Variants in TMEM151B observed in about 807,000 individuals in gnomAD.
The protein encoded by TMEM151B is transmembrane protein 151B, also known as transmembrane protein 193.
In TMEM151B, 18 loss-of-function variants were observed where a neutral mutation model predicts 33.0. The ratio of observed to expected loss-of-function variants is 0.55; its 90% confidence interval spans 0.38 to 0.81. TMEM151B has a LOEUF of 0.81. Ranked by LOEUF, TMEM151B falls within the 30% of genes least tolerant of loss-of-function variation. TMEM151B has a pLI of 0.00. For synonymous variants in TMEM151B, 354 were observed against 373.6 expected, an observed-to-expected ratio of 0.95 and a Z score of 0.61; for missense variants, 672 against 843.4, an observed-to-expected ratio of 0.80 and a Z score of 2.52.
chr6:44,275,471 C>G lies in TMEM151B; in HGVS notation c.645C>G (p.Arg215=). Residue 215 remains arginine, a synonymous_variant, in exon 3 of 3, where the codon CGC becomes CGG. Coordinates refer to ENST00000451188, the MANE Select transcript of TMEM151B (RefSeq NM_001137560.2). ...AEFDYARCGV[R]DVSKTLVGLE... ...TCGACTACGCGCGCTGCGGCGTTCGCGACGTGTCCAAGACGCTGGTGGGGC... is the reference window on the plus strand; with the variant it reads ...TCGACTACGCGCGCTGCGGCGTTCGGGACGTGTCCAAGACGCTGGTGGGGC... 6.5e-7 allele frequency: 1 copy of G among 1,546,698 alleles called. No homozygotes were observed. The highest frequency in any genetic ancestry group is 1.4e-5 in the African/African-American group (1 of 73,022).
chr6:44,273,339 C>T lies in TMEM151B; in HGVS notation c.409C>T (p.Arg137Cys), dbSNP rs377549357. 12 of 1,551,660 alleles carry T rather than the reference C, an allele frequency of 7.7e-6. No homozygotes were observed. The highest frequency in any genetic ancestry group is 1.0e-5 in the Non-Finnish European group (12 of 1,147,014). Reference sequence around the variant, plus strand: ...GGTGGAGTGTTGGCACTGCCAAGCCCGCCATGAGCTGCAGCACCGTGTTGA... The same window carrying T: ...GGTGGAGTGTTGGCACTGCCAAGCCTGCCATGAGCTGCAGCACCGTGTTGA... ...YLVECWHCQA[R>C]HELQHRVDVS... The change falls in exon 2 of 3, where the codon CGC (arginine) becomes TGC (cysteine). Residue 137 changes from arginine to cysteine, a missense_variant. By Grantham distance (180) the Arg-to-Cys change is radical. Coordinates refer to ENST00000451188, the MANE Select transcript of TMEM151B (RefSeq NM_001137560.2).
chr6:44,272,907 A>T (rs897333793), intron 1 of TMEM151B, among the ~76,000 whole-genome samples, 159 bp from the exon 2 acceptor site: 1 of 151,354 alleles, frequency 6.6e-6, no homozygotes, highest in African/African-American at 2.4e-5. Flanking sequence ...CCTGGCTCCC[A>T]TCTTGGTCTC....
intron 1 of TMEM151B, among the ~76,000 whole-genome samples, chr6:44,271,402 C>T (rs1244289702): frequency 6.9e-6 from 1 of 145,668 alleles, no homozygotes; most frequent in African/African-American, 2.6e-5. Context: ...TCACGAGGCT[C>T]CTGCTGCTTC....
chr6:44,274,342 A>G (rs949025672), intron 2 of TMEM151B, among the ~76,000 whole-genome samples: 2 of 152,206 alleles, frequency 1.3e-5, no homozygotes, highest in Admixed American at 6.5e-5. Flanking sequence ...ACTTGTCCAA[A>G]GTCTGCTGCT....
intron 2 of TMEM151B, among the ~76,000 whole-genome samples, chr6:44,274,664 G>C (rs569816541): frequency 1.8e-4 from 27 of 152,174 alleles, no homozygotes; most frequent in Non-Finnish European, 3.5e-4. Context: ...GGAACCCATT[G>C]GGAAACACAA....
Position 44,273,489 on chromosome 6 carries a change from G to A in TMEM151B, c.559G>A (p.Ala187Thr), listed in dbSNP as rs1258927184. ...GGTCACCAGATACCGCAATGGAGAC[G>A]CCTATACCACCACCCAGGTGAGGAG... ...RQVTRYRNGD[A>T]YTTTQVYHER... Residue 187 changes from alanine to threonine, a missense_variant, in exon 2 of 3, where the codon GCC becomes ACC. Physicochemically the swap from Ala to Thr is moderately conservative, Grantham distance 58 (BLOSUM62 0). Transcript: ENST00000451188. 4.5e-6 allele frequency: 7 copies of A among 1,544,294 alleles called. No individual in the cohort carries two copies. The highest frequency in any genetic ancestry group is 3.5e-6 in the Non-Finnish European group (4 of 1,141,764).
In TMEM151B at chr6:44,273,098, C is replaced by T. The variant is rs1186116311; in HGVS notation, c.168C>T (p.Ser56=). The change falls in exon 2 of 3, where the codon TCC becomes TCT. Residue 56 remains serine (S), a synonymous_variant. Transcript: ENST00000451188. ...CCATCCAGCCCTCTTTCACCAAGTC[C>T]CTCTGCCGTGAGTCCCACTGGAAGT... is the stretch of plus-strand genomic sequence containing the variant. The part of the protein sequence containing the change: ...QRPIQPSFTK[S]LCRESHWKCL... 1.3e-6 allele frequency: 2 copies of T among 1,508,308 alleles called. No homozygotes were observed. Among genetic ancestry groups the T allele is most frequent in the Non-Finnish European group, 8.9e-7 (1 of 1,122,032 alleles). 93.4% of individuals were successfully genotyped at this position (1,508,308 alleles called of 1,614,324 possible). A position where few individuals can be genotyped will look rare whatever the true frequency, so the allele number is the denominator to read the frequency against.
Position 44,275,773 on chromosome 6 carries a change from T to C in TMEM151B, c.947T>C (p.Val316Ala), listed in dbSNP as rs2153338279. The change falls in exon 3 of 3, where the codon GTG becomes GCG. Residue 316 changes from valine (V) to alanine (A), a missense_variant. Val to Ala is a moderately conservative substitution (Grantham distance 64). Transcript: ENST00000451188. ...CTCACGCTGTCGTGGCCGCTGCGAG[T>C]GCTGGCCGAGTACCGCACGGCCTAC... Reference protein sequence around the residue: ...ALLTLSWPLRVLAEYRTAYAH... With the variant: ...ALLTLSWPLRALAEYRTAYAH... The C allele has an allele frequency of 6.5e-7, 1 of 1,543,584 alleles. No homozygotes were observed. Among genetic ancestry groups the C allele is most frequent in the Middle Eastern group, 1.7e-4 (1 of 5,980 alleles).
chr6:44,275,268 G>C, intron 2 of TMEM151B, 135 bp from the exon 3 acceptor site: 4 of 1,417,080 alleles, frequency 2.8e-6, no homozygotes, highest in Non-Finnish European at 2.8e-6. Flanking sequence ...AGCTCCAGCC[G>C]GCACCTAAAC....
At position 44,275,523 on chromosome 6, in the gene TMEM151B, C is replaced by T; in HGVS notation, c.697C>T (p.Arg233Cys). ...GGAGGGCGCGCCGGCCACGCGGCTG[C>T]GCTTCACCAAGTGCTTCAGTTTCGC... ...GLEGAPATRL[R>C]FTKCFSFASV... Residue 233 changes from arginine to cysteine, a missense_variant, in exon 3 of 3, where the codon CGC (arginine) becomes TGC (cysteine). Transcript: ENST00000451188. 6.5e-7 allele frequency: 1 copy of T among 1,550,132 alleles called. No homozygotes were observed. The highest frequency in any genetic ancestry group is 8.7e-7 in the Non-Finnish European group (1 of 1,146,526).
At position 44,276,288 on chromosome 6, in the gene TMEM151B, T is replaced by C; in HGVS notation, c.1462T>C (p.Trp488Arg). The change falls in exon 3 of 3, where the codon TGG becomes CGG. Residue 488 changes from tryptophan (W) to arginine (R), a missense_variant. Trp to Arg is a moderately radical substitution (Grantham distance 101). Coordinates refer to ENST00000451188, the MANE Select transcript of TMEM151B (RefSeq NM_001137560.2). Reference sequence around the variant, plus strand: ...CTACGGCTCCCGGCGCAGCTGCCTGTGGCGCAGCCGCAGCGGGAGCGTCAA... The same window carrying C: ...CTACGGCTCCCGGCGCAGCTGCCTGCGGCGCAGCCGCAGCGGGAGCGTCAA... The part of the protein sequence containing the change: ...RLYGSRRSCL[W>R]RSRSGSVNEA... The C allele has an allele frequency of 7.1e-7, 1 of 1,404,312 alleles. No homozygotes were observed. Among genetic ancestry groups the C allele is most frequent in the Non-Finnish European group, 9.3e-7 (1 of 1,078,476 alleles). 87.0% of individuals were successfully genotyped at this position (1,404,312 alleles called of 1,614,324 possible). A position where few individuals can be genotyped will look rare whatever the true frequency, so the allele number is the denominator to read the frequency against.
chr6:44,272,581 G>A (rs1194917800), intron 1 of TMEM151B, among the ~76,000 whole-genome samples: 1 of 152,194 alleles, frequency 6.6e-6, no homozygotes, highest in East Asian at 1.9e-4. Context: ...AGTGATGTCA[G>A]TGGGTCCCTC....
Position 44,270,703 on chromosome 6 carries a change from C to T in TMEM151B, c.-40C>T, listed in dbSNP as rs1178769590. 2 of 772,170 alleles carry T rather than the reference C, an allele frequency of 2.6e-6. No homozygotes were observed. Among genetic ancestry groups the T allele is most frequent in the Non-Finnish European group, 3.3e-6 (2 of 601,016 alleles). 47.8% of individuals were successfully genotyped at this position (772,170 alleles called of 1,614,324 possible). On this transcript the variant is annotated 5_prime_UTR_variant, in exon 1 of 3. Transcript: ENST00000451188. The stretch of plus-strand genomic sequence containing the variant: ...CAGGATGCCCCCGGCCCCTGGCAGC[C>T]CCCCGGGAGGTCCTGAGCTCGACGC...
intron 1 of TMEM151B, among the ~76,000 whole-genome samples, chr6:44,272,496 C>T (rs985122296): frequency 3.3e-5 from 5 of 152,008 alleles, no homozygotes; most frequent in Admixed American, 3.3e-4. Context: ...GTGGATGGGT[C>T]AGAGGGGAGT....
In TMEM151B at chr6:44,275,327, G is replaced by A; in HGVS notation, c.577-76G>A. 2.1e-6 allele frequency: 3 copies of A among 1,442,224 alleles called. 1 individual carries two copies. Among genetic ancestry groups the A allele is most frequent in the South Asian group, 2.9e-5 (2 of 69,170 alleles). 89.3% of individuals were successfully genotyped at this position (1,442,224 alleles called of 1,614,324 possible). ...AGGCAACCAGAGCACAGATGGGGCG[G>A]GAAAGGGTGAGTGGGCAGAAGCGGG... On this transcript the variant is annotated intron_variant, in intron 2 of 2. Transcript: ENST00000451188.
intron 2 of TMEM151B, among the ~76,000 whole-genome samples, chr6:44,275,132 A>G (rs1188962287): frequency 1.0e-4 from 14 of 139,062 alleles, no homozygotes; most frequent in African/African-American, 3.0e-4. Context: ...AAAAAAAAAA[A>G]AAAAGAAAAA....
chr6:44,275,372 G>T, intron 2 of TMEM151B, 31 bp from the exon 3 acceptor site: 1 of 1,467,774 alleles, frequency 6.8e-7, no homozygotes. Context: ...CGGGCTCCCC[G>T]CGACCCCGCC....
At chr6:44,274,210 T>G (rs1782477868) in intron 2 of TMEM151B, among the ~76,000 whole-genome samples, 1 of 151,828 alleles carries the variant, frequency 6.6e-6, no homozygotes, top group African/African-American at 2.4e-5. Context: ...AAAATAAAAA[T>G]AAAAATAGTG....
At chr6:44,274,474 G>A (rs1251824279) in intron 2 of TMEM151B, among the ~76,000 whole-genome samples, 1 of 152,160 alleles carries the variant, frequency 6.6e-6, no homozygotes, top group Non-Finnish European at 1.5e-5. Flanking sequence ...TTGTGGACTC[G>A]CCAGGATGAG....
Sources: allele counts gnomAD v4.1 joint callset (sites outside exome capture counted in the v4.1 genomes callset), GRCh38; gene constraint gnomAD v4.1.1; transcripts MANE v1.5; gene names NCBI Gene and HGNC (gene_info 2026-07-23, HGNC 2026-07-21).